The following RNF213 variants were observed in gnomAD, a reference collection of about 807,000 sequenced individuals.
The protein encoded by RNF213 is E3 ubiquitin-protein ligase RNF213.
In RNF213, 341 loss-of-function variants were observed where a neutral mutation model predicts 514.4. The ratio of observed to expected loss-of-function variants is 0.66; its 90% CI spans 0.61 to 0.73. The LOEUF (loss-of-function observed/expected upper bound fraction) is 0.73. Ranked by LOEUF, RNF213 falls within the 30% of genes least tolerant of loss-of-function variation. RNF213 has a pLI of 0.00. For synonymous variants in RNF213, 2,655 were observed against 2,658.2 expected (o/e 1.00, Z 0.04); for missense variants, 5,767 against 6,615.6 (o/e 0.87, Z 4.45).
intron 42 of RNF213, among the ~76,000 whole-genome samples, chr17:80,365,609 C>T (rs754185085): frequency 3.3e-5 from 5 of 152,044 alleles, no homozygotes; most frequent in Admixed American, 1.3e-4. Context: ...CTTAGGCACT[C>T]GGCCTTATCT....
intron 11 of RNF213, among the ~76,000 whole-genome samples, chr17:80,300,956 A>T (rs974766668): frequency 6.6e-6 from 1 of 151,754 alleles, no homozygotes. Flanking sequence ...GTGTCTGTTC[A>T]TGTCCTTTGC....
intron 15 of RNF213, among the ~76,000 whole-genome samples, chr17:80,315,334 A>T (rs1220898059): frequency 1.1e-5 from 1 of 94,622 alleles, no homozygotes; most frequent in Non-Finnish European, 1.9e-5. Context: ...GTGATGGTGG[A>T]GGTACTAGAG....
chr17:80,270,163 C>G (rs141936458), intron 2 of RNF213, among the ~76,000 whole-genome samples: 1 of 152,224 alleles, frequency 6.6e-6, no homozygotes, highest in Non-Finnish European at 1.5e-5. Flanking sequence ...GCATGCCTTG[C>G]TACTTTCATG....
chr17:80,343,337 C>T lies in RNF213; in HGVS notation c.6183+12C>T, dbSNP rs1358113399. On this transcript the variant is annotated intron_variant, in intron 27 of 67. Transcript: ENST00000582970. This position sits in a 1 kb window ranked among gnomAD's most constrained non-coding sequence, Gnocchi z 4.3. ...ACGTGACCTCCTCAGTAAGTGCCCT[C>T]CAGCGTCAGCCGATGGCCACATCAG... The T allele has an allele frequency of 1.9e-6, 3 of 1,607,692 alleles. No homozygotes were observed. The African/African-American group carries it at 4.0e-5, about 22-fold the overall frequency.
rs367919620 is a variant in RNF213, at chr17:80,345,917, C to T, written c.7582C>T (p.Arg2528Trp). The change falls in exon 29 of 68, where the codon CGG (arginine) becomes TGG (tryptophan). Residue 2528 changes from arginine (R) to tryptophan (W), a missense_variant. Around this residue, in one of 13 missense-constraint regions of RNF213, gnomAD observed 1,377 missense variants for 1,635.2 expected, o/e 0.84. Transcript: ENST00000582970. The surrounding 1 kb of genome is among the most constrained non-coding windows in gnomAD (Gnocchi z 6.0). ...LHIIAACNPY[R>W]KHSEEMICRL... ...TATTATAGCTGCCTGCAATCCATACCGGAAGCACTCTGAGGAGATGATCTG... is the reference window on the plus strand; with the variant it reads ...TATTATAGCTGCCTGCAATCCATACTGGAAGCACTCTGAGGAGATGATCTG... The T allele has an allele frequency of 2.0e-5, 32 of 1,614,088 alleles. No homozygotes were observed. The highest frequency in any genetic ancestry group is 9.3e-5 in the African/African-American group (7 of 74,938).
chr17:80,368,001 A>C lies in RNF213; in HGVS notation c.12013A>C (p.Lys4005Gln). The change falls in exon 44 of 68, where the codon AAG (lysine) becomes CAG (glutamine). Residue 4005 changes from lysine to glutamine, a missense_variant. Lys to Gln is a moderately conservative substitution (Grantham distance 53, BLOSUM62 1). Transcript: ENST00000582970. ...QPCSICLGDAKDPVCLPCDHV... is the reference protein window; with the variant it reads ...QPCSICLGDAQDPVCLPCDHV... ...GTGCTCCATCTGCCTGGGAGATGCA[A>C]AGGACCCCGTCTGTCTGCCCTGCGA... The C allele has an allele frequency of 6.2e-7, 1 of 1,614,172 alleles. No individual in the cohort carries two copies. The highest frequency in any genetic ancestry group is 8.5e-7 in the Non-Finnish European group (1 of 1,180,040).
intron 7 of RNF213, 115 bp from the exon 8 acceptor site, chr17:80,291,513 G>C (rs1174477967): frequency 5.5e-6 from 6 of 1,085,620 alleles, no homozygotes; most frequent in Non-Finnish European, 7.1e-6. Context: ...ATGGGCCACT[G>C]AACCCAGCCT....
rs759712166 is a variant in RNF213, at chr17:80,339,819, G to C, written c.5452G>C (p.Glu1818Gln). ...GGCAGGGATGGGTGGGTCTCCCGTG[G>C]AGCGTTGTCTCCCGAGAGGTCTGCA... ...HLAGMGGSPVERCLPRGLQVG... is the reference protein window; with the variant it reads ...HLAGMGGSPVQRCLPRGLQVG... Residue 1818 changes from glutamate (E) to glutamine (Q), a missense_variant, in exon 26 of 68, where the codon GAG becomes CAG. Coordinates refer to ENST00000582970, the MANE Select transcript of RNF213 (RefSeq NM_001256071.3). The C allele has an allele frequency of 4.6e-6, 7 of 1,535,066 alleles. No homozygotes were observed. The highest frequency in any genetic ancestry group is 5.2e-6 in the Non-Finnish European group (6 of 1,145,236).
rs138285125 is a variant in RNF213 at position 80,347,261 on chromosome 17, C to T, written c.8926C>T (p.Pro2976Ser). Residue 2976 changes from proline (P) to serine (S), a missense_variant, in exon 29 of 68, where the codon CCG (proline) becomes TCG (serine). Transcript: ENST00000582970. This position sits in a 1 kb window ranked among gnomAD's most constrained non-coding sequence, Gnocchi z 7.2. ...AAKASNRKPS[P>S]QDIAQAVLRN... ...AAAGGCTTCAAATAGAAAGCCTTCC[C>T]CGCAAGACATTGCACAGGCTGTCCT... is the stretch of plus-strand genomic sequence containing the variant. 2 of 1,613,442 alleles carry T rather than the reference C, an allele frequency of 1.2e-6. No homozygotes were observed. Among genetic ancestry groups the T allele is most frequent in the African/African-American group, 1.3e-5 (1 of 74,924 alleles).
chr17:80,389,048 C>T (rs1257748865), intron 64 of RNF213, 125 bp from the exon 65 acceptor site: 16 of 894,438 alleles, frequency 1.8e-5, no homozygotes, highest in Non-Finnish European at 2.9e-5. Flanking sequence ...GCCCAAGTGT[C>T]AGCTGTTAGA....
intron 57 of RNF213, chr17:80,382,643 CAG>C (rs2080065661): frequency 2.9e-6 from 1 of 347,786 alleles, no homozygotes; most frequent in Non-Finnish European, 5.5e-6. Flanking sequence ...TGGTCTGCCT[CAG>C]GGTTTGGGTG....
In RNF213 at chr17:80,377,986, G is replaced by C. The variant is rs1358423362; in HGVS notation, c.13545+190G>C. Among the ~76,000 whole-genome samples the C allele has an allele frequency of 4.6e-5, 7 of 152,222 alleles. No homozygotes were observed. On this transcript the variant is annotated intron_variant, in intron 54 of 67. Transcript: ENST00000582970. This position sits in a 1 kb window ranked among gnomAD's most constrained non-coding sequence, Gnocchi z 4.1. ...AGGGTTTCTAGCCCAGGGCTTCTCA[G>C]ACTCAGCACTGTGGACGTGGCTCTG...
At chr17:80,359,946 G>A in intron 37 of RNF213, 115 bp from the exon 38 acceptor site, 1 of 1,061,834 alleles carries the variant, frequency 9.4e-7, no homozygotes, top group Non-Finnish European at 1.4e-6. Flanking sequence ...TGCCTGGCCT[G>A]TTGGCCCCTT....
chr17:80,289,639 G>C lies in RNF213; in HGVS notation c.934-20G>C, dbSNP rs781419424. 98 of 1,613,308 alleles carry C rather than the reference G, an allele frequency of 6.1e-5. 1 individual carries two copies. In the South Asian group the frequency reaches 9.9e-4, roughly 16 times the overall value. Reference sequence around the variant, plus strand: ...TGTGGAGGCCGGCCTTCAAGGTCAGGGTTTGGTTCCTTGTTCCAGGAAGCT... The same window carrying C: ...TGTGGAGGCCGGCCTTCAAGGTCAGCGTTTGGTTCCTTGTTCCAGGAAGCT... On this transcript the variant is annotated intron_variant, in intron 5 of 67. Transcript: ENST00000582970.
chr17:80,393,721 T>C lies in RNF213; in HGVS notation c.*223T>C, dbSNP rs1025653322. On this transcript the variant is annotated 3_prime_UTR_variant, in exon 68 of 68. Coordinates refer to ENST00000582970, the MANE Select transcript of RNF213 (RefSeq NM_001256071.3). ...ACATGTTCTGAAACTTTCTCATCAT[T>C]TTATGAGTACTGTTCATTGAGAGAT... 7 of 534,834 alleles carry C rather than the reference T, an allele frequency of 1.3e-5. No homozygotes were observed. The highest frequency in any genetic ancestry group is 2.0e-5 in the Non-Finnish European group (6 of 295,352). 33.1% of individuals were successfully genotyped at this position (534,834 alleles called of 1,614,324 possible).
chr17:80,371,798 A>T, intron 46 of RNF213, 76 bp from the exon 47 acceptor site: 1 of 771,458 alleles, frequency 1.3e-6, no homozygotes, highest in Non-Finnish European at 2.3e-6. Flanking sequence ...GACGACCGAT[A>T]GATAGATGCT....
In RNF213 at chr17:80,353,579, G is replaced by GGAGGTGGCA. The variant is rs746722534; in HGVS notation, c.10505_10513dup (p.Val3502_Glu3504dup). On this transcript the variant is annotated inframe_insertion, in exon 34 of 68. Transcript: ENST00000582970. This position sits in a 1 kb window ranked among gnomAD's most constrained non-coding sequence, Gnocchi z 5.0. Reference sequence around the variant, plus strand: ...TGGAGACGGAGGCCAGCACATCAGGGGAGGTGGCAGAGGTGGCAGAGGAGG... The same window carrying GGAGGTGGCA: ...TGGAGACGGAGGCCAGCACATCAGGGGAGGTGGCAGAGGTGGCAGAGGTGGCAGAGGAGG... The GGAGGTGGCA allele has an allele frequency of 5.0e-6, 8 of 1,613,842 alleles. No homozygotes were observed. The highest frequency in any genetic ancestry group is 6.8e-6 in the Non-Finnish European group (8 of 1,179,836).
intron 1 of RNF213, among the ~76,000 whole-genome samples, chr17:80,261,445 G>A (rs1007838000): frequency 4.6e-5 from 7 of 152,228 alleles, no homozygotes; most frequent in Non-Finnish European, 8.8e-5. Context: ...GGCCAGGGTG[G>A]GCACCCCTCC....
At position 80,374,497 on chromosome 17, in the gene RNF213, C is replaced by G. The variant is rs534280009; in HGVS notation, c.12982C>G (p.Leu4328Val). The part of the protein sequence containing the change: ...QDHPGQMDRY[L>V]VYGDEYKALR... Reference sequence around the variant, plus strand: ...CCACCCAGGCCAGATGGATAGGTACCTGGTGTACGGCGATGAATACAAGGC... The same window carrying G: ...CCACCCAGGCCAGATGGATAGGTACGTGGTGTACGGCGATGAATACAAGGC... Residue 4328 changes from leucine to valine, a missense_variant, in exon 50 of 68, where the codon CTG (leucine) becomes GTG (valine). Physicochemically the swap from Leu to Val is conservative, Grantham distance 32. Around this residue, in one of 13 missense-constraint regions of RNF213, gnomAD observed 1,245 missense variants for 1,339.0 expected, o/e 0.93. Transcript: ENST00000582970. The G allele has an allele frequency of 5.0e-6, 8 of 1,614,088 alleles. No individual in the cohort carries two copies. Among genetic ancestry groups the G allele is most frequent in the Middle Eastern group, 1.6e-4 (1 of 6,084 alleles).
Sources: gnomAD v4.1 joint callset for allele counts (sites outside exome capture counted in the v4.1 genomes callset) on GRCh38, gnomAD v4.1.1 for gene constraint, gnomAD v4.1.1 regional missense constraint, Gnocchi (gnomAD v3.1) non-coding constraint, MANE v1.5 for transcripts, NCBI Gene and HGNC (gene_info 2026-07-23, HGNC 2026-07-21) for gene names.